Variants in ZFR2 observed in about 807,000 individuals in gnomAD.
ZFR2 encodes the protein zinc finger RNA binding protein 2.
In ZFR2, 104 loss-of-function variants were observed where a neutral mutation model predicts 105.7. That is an observed-to-expected ratio of 0.98 (90% confidence interval 0.84 to 1.16). The LOEUF (loss-of-function observed/expected upper bound fraction) is 1.16. Among genes scored for constraint, ZFR2 ranks in the 50% most tolerant of loss-of-function variants. The pLI is 0.00. For synonymous variants in ZFR2, 634 were observed against 597.7 expected (o/e 1.06, Z -0.89); for missense variants, 1,425 against 1,355.5 (o/e 1.05, Z -0.80).
rs897154523 is a variant in ZFR2, at chr19:3,804,679, C to T, written c.*1270G>A. On this transcript the variant is annotated 3_prime_UTR_variant, in exon 19 of 19. Transcript: ENST00000262961. Reference sequence around the variant, plus strand: ...CTCCCCACAGGGGACGAGCCTGGCTCAGGCCCTGCTGACATCCTGGCTGTG... The same window carrying T: ...CTCCCCACAGGGGACGAGCCTGGCTTAGGCCCTGCTGACATCCTGGCTGTG... The T allele has an allele frequency of 6.9e-6, 1 of 144,150 alleles. No individual in the cohort carries two copies. The highest frequency in any genetic ancestry group is 2.0e-4 in the East Asian group (1 of 4,982). 8.9% of individuals were successfully genotyped at this position (144,150 alleles called of 1,614,324 possible).
At chr19:3,830,323 A>G (rs901830346) in intron 5 of ZFR2, among the ~76,000 whole-genome samples, 6 of 152,074 alleles carry the variant, frequency 3.9e-5, no homozygotes, top group African/African-American at 1.4e-4. Flanking sequence ...TACCTGTCTC[A>G]GCTACTTGGA....
intron 2 of ZFR2, among the ~76,000 whole-genome samples, chr19:3,833,994 G>C (rs1438904291): frequency 1.3e-5 from 2 of 152,140 alleles, no homozygotes; most frequent in Non-Finnish European, 1.5e-5. Flanking sequence ...AGCTGTCATG[G>C]AGCCGACACT....
intron 1 of ZFR2, chr19:3,855,584 G>A (rs571606789): frequency 7.0e-6 from 4 of 569,184 alleles, no homozygotes; most frequent in East Asian, 3.5e-5. Context: ...AGGGAGACAC[G>A]GGGTCAGCAA....
rs2145150183 is a variant in ZFR2 at position 3,823,483 on chromosome 19, TG to T, written c.1214-81del. ...TGCAGACCCGCCAGGCGGCATGGGG[TG>T]GAGAGCCACCCAGACTGCAGGCTGT... On this transcript the variant is annotated intron_variant, in intron 7 of 18. Transcript: ENST00000262961. The surrounding 1 kb of genome is among the most constrained non-coding windows in gnomAD (Gnocchi z 5.4). 1 of 1,442,852 alleles carries T rather than the reference TG, an allele frequency of 6.9e-7. No homozygotes were observed. The highest frequency in any genetic ancestry group is 2.3e-5 in the East Asian group (1 of 42,964). 89.4% of individuals were successfully genotyped at this position (1,442,852 alleles called of 1,614,324 possible).
At position 3,811,372 on chromosome 19, in the gene ZFR2, AG is replaced by A; in HGVS notation, c.2243-7del. 6.3e-7 allele frequency: 1 copy of A among 1,581,988 alleles called. No homozygotes were observed. The highest frequency in any genetic ancestry group is 1.3e-5 in the African/African-American group (1 of 74,242). On this transcript the variant is annotated splice_polypyrimidine_tract_variant and splice_region_variant and intron_variant, in intron 14 of 18. Coordinates refer to ENST00000262961, the MANE Select transcript of ZFR2 (RefSeq NM_015174.2). ...AGCCTGAGGCTCCTCCACACCTTCT[AG>A]AAGAAAAACCTCGAGGTGTGCGGGG... is the stretch of plus-strand genomic sequence containing the variant.
intron 1 of ZFR2, among the ~76,000 whole-genome samples, chr19:3,854,514 C>T (rs1168181220): frequency 6.6e-6 from 1 of 152,178 alleles, no homozygotes; most frequent in Non-Finnish European, 1.5e-5. Flanking sequence ...CATGTGAACA[C>T]ATCATCTCCG....
intron 5 of ZFR2, among the ~76,000 whole-genome samples, chr19:3,831,049 A>G (rs1482596546): frequency 6.6e-6 from 1 of 152,138 alleles, no homozygotes; most frequent in African/African-American, 2.4e-5. Flanking sequence ...AAGCACACAT[A>G]CATGCACACT....
At chr19:3,826,411 C>T (rs961201623) in intron 6 of ZFR2, among the ~76,000 whole-genome samples, 5 of 151,844 alleles carry the variant, frequency 3.3e-5, no homozygotes, top group Admixed American at 6.6e-5. Flanking sequence ...ATCCCCTCCC[C>T]GCCGAACATG....
intron 1 of ZFR2, chr19:3,855,516 C>T (rs2038287412): frequency 1.9e-5 from 22 of 1,160,682 alleles, no homozygotes; most frequent in South Asian, 4.4e-5. Context: ...GCTGTCACAG[C>T]AGCGGGGAAT....
chr19:3,813,756 G>A lies in ZFR2; in HGVS notation c.2242+64C>T, dbSNP rs1392285540. 1.3e-6 allele frequency: 2 copies of A among 1,595,448 alleles called. No individual in the cohort carries two copies. The highest frequency in any genetic ancestry group is 1.7e-6 in the Non-Finnish European group (2 of 1,169,390). ...GAGGCGGACGCTGCCCCAGGCCTGG[G>A]TGTGGGGAGCGCCCTGGGGAAGCGT... On this transcript the variant is annotated intron_variant, in intron 14 of 18. Transcript: ENST00000262961. The surrounding 1 kb of genome is among the most constrained non-coding windows in gnomAD (Gnocchi z 4.4).
At chr19:3,839,934 G>A (rs1335805146) in intron 1 of ZFR2, among the ~76,000 whole-genome samples, 1 of 152,026 alleles carries the variant, frequency 6.6e-6, no homozygotes, top group Non-Finnish European at 1.5e-5. Flanking sequence ...GTTCACTGCA[G>A]CCTCTAACTC....
At chr19:3,829,254 G>A (rs1197838938) in intron 5 of ZFR2, among the ~76,000 whole-genome samples, 6 of 151,748 alleles carry the variant, frequency 4.0e-5, no homozygotes, top group Admixed American at 6.6e-5. Context: ...GAGCTACCAC[G>A]CCCAGCCTGG....
chr19:3,836,714 C>T (rs765984121), intron 1 of ZFR2, among the ~76,000 whole-genome samples: 12 of 152,138 alleles, frequency 7.9e-5, no homozygotes, highest in South Asian at 2.1e-4. Context: ...GCGGCACCAT[C>T]GCTCCCCACG....
chr19:3,813,743 G>C lies in ZFR2; in HGVS notation c.2242+77C>G. 2 of 1,568,312 alleles carry C rather than the reference G, an allele frequency of 1.3e-6. No homozygotes were observed. Among genetic ancestry groups the C allele is most frequent in the South Asian group, 2.3e-5 (2 of 87,208 alleles). ...CCTGCTCAGGGCAGAGGCGGACGCT[G>C]CCCCAGGCCTGGGTGTGGGGAGCGC... On this transcript the variant is annotated intron_variant, in intron 14 of 18. Coordinates refer to ENST00000262961, the MANE Select transcript of ZFR2 (RefSeq NM_015174.2). The surrounding 1 kb of genome is among the most constrained non-coding windows in gnomAD (Gnocchi z 4.4).
In ZFR2 at chr19:3,868,673, C is replaced by G. The variant is rs545646777; in HGVS notation, c.53+292G>C. On this transcript the variant is annotated intron_variant, in intron 1 of 18. Transcript: ENST00000262961. ...CCCCGACCCCGCACAGGCCCAGGCC[C>G]AAACCCAGGCCCCCTCCCACTTCAG... Among the ~76,000 whole-genome samples, 87 of 152,080 alleles carry G rather than the reference C, an allele frequency of 5.7e-4. No individual in the cohort carries two copies. The East Asian group carries it at 0.013, about 23-fold the overall frequency.
intron 12 of ZFR2, among the ~76,000 whole-genome samples, 162 bp from the exon 13 acceptor site, chr19:3,817,007 T>C (rs888844385): frequency 6.6e-6 from 1 of 152,062 alleles, no homozygotes; most frequent in African/African-American, 2.4e-5. Context: ...CGGAGGCGCT[T>C]GCGGGATGAA....
At chr19:3,826,350 G>A (rs544308903) in intron 6 of ZFR2, among the ~76,000 whole-genome samples, 11 of 152,092 alleles carry the variant, frequency 7.2e-5, no homozygotes, top group East Asian at 3.9e-4. Context: ...CTGACAGCCC[G>A]GGCTACAGCA....
intron 1 of ZFR2, among the ~76,000 whole-genome samples, chr19:3,847,679 A>G (rs2038197094): frequency 6.6e-6 from 1 of 152,232 alleles, no homozygotes; most frequent in African/African-American, 2.4e-5. Context: ...GAAGGAAGGC[A>G]TAGGGAACAA....
chr19:3,832,854 G>A (rs2038034174), intron 3 of ZFR2, among the ~76,000 whole-genome samples: 1 of 151,274 alleles, frequency 6.6e-6, no homozygotes, highest in Admixed American at 6.6e-5. Context: ...GCCCAGGCTG[G>A]TCTCGAACTC....
Sources: gnomAD v4.1 joint callset for allele counts (sites outside exome capture counted in the v4.1 genomes callset) on GRCh38, gnomAD v4.1.1 for gene constraint, Gnocchi (gnomAD v3.1) non-coding constraint, MANE v1.5 for transcripts, NCBI Gene and HGNC (gene_info 2026-07-23, HGNC 2026-07-21) for gene names.